Variants in PCOLCE2 observed in about 807,000 individuals in gnomAD.
PCOLCE2 encodes procollagen C-proteinase enhancer 2.
In PCOLCE2, 42 loss-of-function variants were observed where a neutral mutation model predicts 47.0. The ratio of observed to expected loss-of-function variants is 0.89; its 90% CI spans 0.70 to 1.16. The LOEUF (loss-of-function observed/expected upper bound fraction) is 1.16, where lower values mean the gene tolerates loss of function less well. PCOLCE2 is among the 50% of genes most tolerant of loss of function. The pLI is 0.00. For missense variants in PCOLCE2, 500 were observed against 526.1 expected (o/e 0.95, Z 0.49); for synonymous variants, 169 against 191.7 (o/e 0.88, Z 0.98).
chr3:142,843,423 A>G, intron 3 of PCOLCE2: 2 of 389,518 alleles, frequency 5.1e-6, no homozygotes. Context: ...GTAAACACCC[A>G]GGGACAAAAT....
chr3:142,830,369 C>T (rs528316675), intron 5 of PCOLCE2, among the ~76,000 whole-genome samples: 9 of 152,326 alleles, frequency 5.9e-5, no homozygotes, highest in South Asian at 4.1e-4. Context: ...CAAATTCCCA[C>T]GCCCTGTAAA....
chr3:142,848,104 T>C (rs564508749), intron 3 of PCOLCE2, 113 bp downstream of exon 3: 1 of 1,064,028 alleles, frequency 9.4e-7, no homozygotes, highest in East Asian at 2.5e-5. Context: ...TTTGATGGCA[T>C]TCACTAGCTC....
chr3:142,861,418 TTCTTA>T (rs1417099803), intron 2 of PCOLCE2, among the ~76,000 whole-genome samples: 1 of 152,214 alleles, frequency 6.6e-6, no homozygotes, highest in Non-Finnish European at 1.5e-5. Flanking sequence ...TTCTCTAATT[TTCTTA>T]TCTTTTCTCT....
At chr3:142,879,684 T>C (rs1476164432) in intron 2 of PCOLCE2, among the ~76,000 whole-genome samples, 1 of 152,192 alleles carries the variant, frequency 6.6e-6, no homozygotes, top group Admixed American at 6.5e-5. Context: ...AATTGTAAAG[T>C]TTTGGCCGGG....
chr3:142,824,016 T>C (rs1350031323), intron 6 of PCOLCE2, among the ~76,000 whole-genome samples: 1 of 152,218 alleles, frequency 6.6e-6, no homozygotes, highest in Non-Finnish European at 1.5e-5. Flanking sequence ...TCATAGGGTG[T>C]TCCCCTGAGG....
rs374246612 is a variant in PCOLCE2 at position 142,843,059 on chromosome 3, T to C, written c.449-11A>G. The C allele has an allele frequency of 4.4e-5, 71 of 1,610,256 alleles. No individual in the cohort carries two copies. The African/African-American group carries it at 9.0e-4, about 20-fold the overall frequency. On this transcript the variant is annotated splice_polypyrimidine_tract_variant and intron_variant, in intron 3 of 8. Transcript: ENST00000295992. ...CACAATACTGATCCCCTTCAAGTAT[T>C]AAACAAGGAAAAAAGCCCACAAGTT...
rs1937279046 is a variant in PCOLCE2 at position 142,842,849 on chromosome 3, C to T, written c.573+75G>A. 19 of 1,484,448 alleles carry T rather than the reference C, an allele frequency of 1.3e-5. No homozygotes were observed. Among genetic ancestry groups the T allele is most frequent in the Non-Finnish European group, 1.6e-5 (17 of 1,070,756 alleles). The allele number at this position is 1,484,448 out of a possible 1,614,324, so 92.0% of individuals were successfully genotyped here. Reference sequence around the variant, plus strand: ...CGAATAGCCCCCACAACAGGAGGCTCTTGAGAGTTGGTGGGCCCCCCACAC... The same window carrying T: ...CGAATAGCCCCCACAACAGGAGGCTTTTGAGAGTTGGTGGGCCCCCCACAC... On this transcript the variant is annotated intron_variant, in intron 4 of 8. Transcript: ENST00000295992. This position sits in a 1 kb window ranked among gnomAD's most constrained non-coding sequence, Gnocchi z 4.1.
chr3:142,884,207 C>T (rs1302008477), intron 2 of PCOLCE2, among the ~76,000 whole-genome samples: 3 of 152,116 alleles, frequency 2.0e-5, no homozygotes, highest in Non-Finnish European at 4.4e-5. Context: ...ATAGAGGGGT[C>T]CAGGTGGTGG....
chr3:142,880,857 A>G (rs1933599096), intron 2 of PCOLCE2, among the ~76,000 whole-genome samples: 1 of 152,248 alleles, frequency 6.6e-6, no homozygotes, highest in Non-Finnish European at 1.5e-5. Flanking sequence ...GTAACAACTT[A>G]TCCAGTCTTA....
chr3:142,846,093 T>C (rs1484123297), intron 3 of PCOLCE2, among the ~76,000 whole-genome samples: 1 of 152,206 alleles, frequency 6.6e-6, no homozygotes, highest in Non-Finnish European at 1.5e-5. Context: ...ATTTCAAGAT[T>C]TTCTCTGTCT....
chr3:142,871,867 T>C (rs1171661841), intron 2 of PCOLCE2, among the ~76,000 whole-genome samples: 1 of 152,214 alleles, frequency 6.6e-6, no homozygotes, highest in Non-Finnish European at 1.5e-5. Flanking sequence ...TATATACATA[T>C]ACATAAACAT....
chr3:142,842,519 C>T lies in PCOLCE2; in HGVS notation c.573+405G>A, dbSNP rs970147229. Among the ~76,000 whole-genome samples, 2 of 152,114 alleles carry T rather than the reference C, an allele frequency of 1.3e-5. No individual in the cohort carries two copies. The highest frequency in any genetic ancestry group is 2.4e-5 in the African/African-American group (1 of 41,400). On this transcript the variant is annotated intron_variant, in intron 4 of 8. Transcript: ENST00000295992. The surrounding 1 kb of genome is among the most constrained non-coding windows in gnomAD (Gnocchi z 4.1). ...TTGGGAGGCTAAGGCAGACGGATCT[C>T]CTGAGGCCGGGAGTTTGAGACCAGC... is the stretch of plus-strand genomic sequence containing the variant.
chr3:142,853,306 T>C (rs1932991547), intron 2 of PCOLCE2, among the ~76,000 whole-genome samples: 1 of 152,038 alleles, frequency 6.6e-6, no homozygotes, highest in Non-Finnish European at 1.5e-5. Flanking sequence ...TCAAGGTCAC[T>C]CCCTCCTGGA....
At chr3:142,847,309 G>A (rs908407268) in intron 3 of PCOLCE2, among the ~76,000 whole-genome samples, 1 of 152,104 alleles carries the variant, frequency 6.6e-6, no homozygotes, top group African/African-American at 2.4e-5. Context: ...GTAACTCCCT[G>A]CCTGGATTTC....
chr3:142,843,602 C>G (rs1436146619), intron 3 of PCOLCE2, among the ~76,000 whole-genome samples: 1 of 151,764 alleles, frequency 6.6e-6, no homozygotes, highest in African/African-American at 2.4e-5. Flanking sequence ...AAAATATACC[C>G]CCAAATCCCC....
intron 6 of PCOLCE2, among the ~76,000 whole-genome samples, chr3:142,826,622 T>A (rs1471368480): frequency 6.6e-6 from 1 of 152,224 alleles, no homozygotes; most frequent in Non-Finnish European, 1.5e-5. Context: ...ACTTGGGGAA[T>A]GAGCTACTGA....
intron 2 of PCOLCE2, among the ~76,000 whole-genome samples, chr3:142,857,632 C>T (rs542255830): frequency 4.6e-5 from 7 of 152,266 alleles, no homozygotes; most frequent in African/African-American, 1.4e-4. Flanking sequence ...ATATGTGATG[C>T]CCTGGATGAC....
At chr3:142,873,018 A>AATGTTAGAAT in intron 2 of PCOLCE2, among the ~76,000 whole-genome samples, 1 of 152,306 alleles carries the variant, frequency 6.6e-6, no homozygotes, top group Middle Eastern at 3.4e-3. Context: ...CAATTCTATA[A>AATGTTAGAAT]ATGTTAGAAT....
chr3:142,881,128 T>C (rs190700781), intron 2 of PCOLCE2, among the ~76,000 whole-genome samples: 1 of 152,270 alleles, frequency 6.6e-6, no homozygotes. Context: ...ACCCCCACAG[T>C]CCAGTGCAAT....
Sources: gnomAD v4.1 joint callset for allele counts (sites outside exome capture counted in the v4.1 genomes callset) on GRCh38, gnomAD v4.1.1 for gene constraint, Gnocchi (gnomAD v3.1) non-coding constraint, MANE v1.5 for transcripts, NCBI Gene and HGNC (gene_info 2026-07-23, HGNC 2026-07-21) for gene names.